Variants in SNX9 observed in about 807,000 individuals in gnomAD.
The protein encoded by SNX9 is sorting nexin 9, also known as sorting nexin-9.
Under a neutral mutation model 89.4 loss-of-function variants are expected in SNX9, and 44 were observed. The ratio of observed to expected loss-of-function variants is 0.49; its 90% confidence interval spans 0.39 to 0.63. The LOEUF is 0.63. SNX9 is among the 30% of genes least tolerant of loss of function. SNX9 has a pLI of 0.00. For missense variants in SNX9, 578 were observed against 736.1 expected, an observed-to-expected ratio of 0.79 and a Z score of 2.49; for synonymous variants, 236 against 247.8, an observed-to-expected ratio of 0.95 and a Z score of 0.45.
intron 4 of SNX9, among the ~76,000 whole-genome samples, chr6:157,894,101 CTTTTCTTTTTTTTTTTTT>C (rs1782922006): frequency 9.7e-6 from 1 of 103,360 alleles, no homozygotes; most frequent in African/African-American, 3.7e-5. Context: ...TTTCGCTTTT[CTTTTCTTTTTTTTTTTTT>C]TTTTTTTTGA....
At chr6:157,856,936 A>G (rs1041275385) in intron 1 of SNX9, among the ~76,000 whole-genome samples, 1 of 152,060 alleles carries the variant, frequency 6.6e-6, no homozygotes, top group African/African-American at 2.4e-5. Flanking sequence ...GAAAAAAATG[A>G]TCTCATTCTA....
At chr6:157,938,232 G>C (rs1410845195) in intron 15 of SNX9, among the ~76,000 whole-genome samples, 1 of 152,160 alleles carries the variant, frequency 6.6e-6, no homozygotes, top group African/African-American at 2.4e-5. Flanking sequence ...AAAATATTCT[G>C]TTGTATAAAA....
At chr6:157,941,032 C>T in intron 17 of SNX9, 58 bp downstream of exon 17, 1 of 1,390,064 alleles carries the variant, frequency 7.2e-7, no homozygotes, top group Non-Finnish European at 1.0e-6. Flanking sequence ...CCTGGTAAAC[C>T]ACTTTGACCA....
At chr6:157,904,869 A>G (rs969064112) in intron 6 of SNX9, among the ~76,000 whole-genome samples, 2 of 152,220 alleles carry the variant, frequency 1.3e-5, no homozygotes, top group African/African-American at 4.8e-5. Context: ...GGATAGCGGC[A>G]GTCAGGTGTG....
At chr6:157,839,872 C>T (rs144112749) in intron 1 of SNX9, among the ~76,000 whole-genome samples, 101 of 152,252 alleles carry the variant, frequency 6.6e-4, no homozygotes, top group African/African-American at 2.1e-3. Flanking sequence ...GCTGGTTGTG[C>T]GCAGTATTGG....
chr6:157,892,860 A>T (rs996373019), intron 4 of SNX9: 2 of 152,168 alleles, frequency 1.3e-5, no homozygotes, highest in African/African-American at 4.8e-5. Context: ...CTGAATCCAG[A>T]CCACTCACTT....
intron 4 of SNX9, among the ~76,000 whole-genome samples, chr6:157,891,937 G>T (rs1008131092): frequency 5.9e-5 from 9 of 152,230 alleles, no homozygotes; most frequent in African/African-American, 2.2e-4. Context: ...ACGAGGCAAA[G>T]TTGAGACCTG....
At position 157,823,700 on chromosome 6, in the gene SNX9, G is replaced by T. The variant is rs563047834; in HGVS notation, c.12+254G>T. On this transcript the variant is annotated intron_variant, in intron 1 of 17. Coordinates refer to ENST00000392185, the MANE Select transcript of SNX9 (RefSeq NM_016224.5). This position sits in a 1 kb window ranked among gnomAD's most constrained non-coding sequence, Gnocchi z 4.6. ...GTCTGGGCGCGGGTTGGGACCCCGGGCGCAGCGAGGTTTGGGAAGTTTGCA... is the reference window on the plus strand; with the variant it reads ...GTCTGGGCGCGGGTTGGGACCCCGGTCGCAGCGAGGTTTGGGAAGTTTGCA... Among the ~76,000 whole-genome samples, 2 of 152,076 alleles carry T rather than the reference G, an allele frequency of 1.3e-5. No homozygotes were observed. The highest frequency in any genetic ancestry group is 4.8e-5 in the African/African-American group (2 of 41,532).
At chr6:157,851,645 A>G (rs1781914447) in intron 1 of SNX9, among the ~76,000 whole-genome samples, 1 of 152,136 alleles carries the variant, frequency 6.6e-6, no homozygotes. Context: ...GCTGGAGTGC[A>G]GTGGTGCCAT....
chr6:157,848,887 C>T (rs969983886), intron 1 of SNX9, among the ~76,000 whole-genome samples: 4 of 152,188 alleles, frequency 2.6e-5, no homozygotes, highest in African/African-American at 7.2e-5. Context: ...TAAGCTGAGA[C>T]CTGAAAGGTG....
At chr6:157,927,076 T>C in intron 10 of SNX9, 35 bp from the exon 11 acceptor site, 1 of 1,525,190 alleles carries the variant, frequency 6.6e-7, no homozygotes, top group South Asian at 1.1e-5. Context: ...TTGACTGTGC[T>C]CTCCACTTGA....
intron 9 of SNX9, among the ~76,000 whole-genome samples, chr6:157,915,895 T>TGTATTGCATATAGAGATTATGTA (rs1231358957): frequency 1.3e-5 from 2 of 150,928 alleles, no homozygotes; most frequent in East Asian, 3.9e-4. Flanking sequence ...GTTTTTTAAA[T>TGTATTGCATATAGAGATTATGTA]TTCCATTTTC....
chr6:157,915,636 A>ATATATATATATATAT (rs1342359338), intron 9 of SNX9, among the ~76,000 whole-genome samples: 2 of 76,600 alleles, frequency 2.6e-5, no homozygotes, highest in African/African-American at 5.7e-5. Context: ...AAAAAAAAAA[A>ATATATATATATATAT]AAAAATATAT....
intron 14 of SNX9, among the ~76,000 whole-genome samples, chr6:157,936,603 G>A (rs1222198978): frequency 2.6e-5 from 4 of 152,234 alleles, no homozygotes; most frequent in Non-Finnish European, 5.9e-5. Flanking sequence ...AGGAAAGAAT[G>A]CTGGCTCAGA....
At chr6:157,903,629 CAG>C (rs1197478599) in intron 6 of SNX9, among the ~76,000 whole-genome samples, 2 of 152,188 alleles carry the variant, frequency 1.3e-5, no homozygotes, top group Admixed American at 1.3e-4. Flanking sequence ...ACGAAGGAAG[CAG>C]AGACTGAGAA....
At chr6:157,931,103 G>A (rs973425696) in intron 12 of SNX9, among the ~76,000 whole-genome samples, 1 of 152,200 alleles carries the variant, frequency 6.6e-6, no homozygotes, top group Admixed American at 6.5e-5. Context: ...GTGGGGAAAG[G>A]GATTGACTCA....
In SNX9 at chr6:157,896,904, G is replaced by A; in HGVS notation, c.378G>A (p.Gly126=). The change falls in exon 5 of 18, where the codon GGG becomes GGA. Residue 126 remains glycine (G), a synonymous_variant. Coordinates refer to ENST00000392185, the MANE Select transcript of SNX9 (RefSeq NM_016224.5). The part of the protein sequence containing the change: ...SGNWESSEGW[G]AQPEGAGAQR... The stretch of plus-strand genomic sequence containing the variant: ...ACTGGGAAAGCTCAGAAGGCTGGGG[G>A]GCCCAGCCAGAGGGGGCTGGAGCCC... 1.9e-6 allele frequency: 3 copies of A among 1,613,440 alleles called. No individual in the cohort carries two copies. In the East Asian group the frequency reaches 6.7e-5, roughly 36 times the overall value.
intron 5 of SNX9, among the ~76,000 whole-genome samples, chr6:157,898,317 G>A (rs537611998): frequency 6.6e-6 from 1 of 152,318 alleles, no homozygotes; most frequent in African/African-American, 2.4e-5. Context: ...ACGCTGGGTT[G>A]GTAAAGTAAA....
At chr6:157,832,845 C>T (rs1054146057) in intron 1 of SNX9, among the ~76,000 whole-genome samples, 21 of 152,202 alleles carry the variant, frequency 1.4e-4, no homozygotes, top group South Asian at 4.1e-4. Flanking sequence ...TGGGGAGACA[C>T]AGCCAAACCA....
Sources: allele counts gnomAD v4.1 joint callset (sites outside exome capture counted in the v4.1 genomes callset), GRCh38; gene constraint gnomAD v4.1.1; non-coding constraint Gnocchi (gnomAD v3.1); transcripts MANE v1.5; gene names NCBI Gene and HGNC (gene_info 2026-07-23, HGNC 2026-07-21).